HS3ST3A1: variants seen among roughly 807,000 people sequenced by gnomAD.
HS3ST3A1 encodes heparan sulfate glucosamine 3-O-sulfotransferase 3A1.
In HS3ST3A1, 19 loss-of-function variants were observed where a neutral mutation model predicts 25.7. That is an observed-to-expected ratio of 0.74 (90% CI 0.52 to 1.08). The LOEUF (loss-of-function observed/expected upper bound fraction) is 1.08. Ranked by LOEUF, HS3ST3A1 falls within the 50% of genes least tolerant of loss-of-function variation. The probability of loss-of-function intolerance (pLI) is 0.00; values close to 1 mark genes in which losing one functional copy is unlikely to be tolerated. For synonymous variants in HS3ST3A1, 226 were observed against 278.6 expected (o/e 0.81, Z 1.88); for missense variants, 459 against 594.3 (o/e 0.77, Z 2.37).
At chr17:13,566,546 A>T (rs1905936078) in intron 1 of HS3ST3A1, among the ~76,000 whole-genome samples, 1 of 152,260 alleles carries the variant, frequency 6.6e-6, no homozygotes, top group South Asian at 2.1e-4. Flanking sequence ...AGGCATGTTG[A>T]AAGCTGAGAC....
At chr17:13,505,155 C>T (rs1018788680) in intron 1 of HS3ST3A1, among the ~76,000 whole-genome samples, 2 of 152,044 alleles carry the variant, frequency 1.3e-5, no homozygotes, top group Non-Finnish European at 2.9e-5. Context: ...ATGCCTAGTG[C>T]GAGAGTATTT....
intron 1 of HS3ST3A1, among the ~76,000 whole-genome samples, chr17:13,566,085 T>C (rs1444505131): frequency 2.0e-5 from 3 of 152,240 alleles, no homozygotes; most frequent in African/African-American, 7.2e-5. Context: ...GCATTGCAGA[T>C]ATTGCATTTT....
intron 1 of HS3ST3A1, among the ~76,000 whole-genome samples, chr17:13,537,613 T>C (rs7207411): frequency 0.28 from 42,706 of 152,208 alleles, 6,218 homozygotes; most frequent in Non-Finnish European, 0.32. Flanking sequence ...GCGCCTATAA[T>C]TCAGTTTTAA....
intron 1 of HS3ST3A1, among the ~76,000 whole-genome samples, chr17:13,540,498 AT>A (rs1002288134): frequency 6.6e-6 from 1 of 152,216 alleles, no homozygotes; most frequent in African/African-American, 2.4e-5. Flanking sequence ...TGCATGCTCA[AT>A]TGATAAAATG....
At chr17:13,548,097 A>G (rs1398663078) in intron 1 of HS3ST3A1, among the ~76,000 whole-genome samples, 1 of 152,170 alleles carries the variant, frequency 6.6e-6, no homozygotes, top group Non-Finnish European at 1.5e-5. Flanking sequence ...TTGTCTGATG[A>G]CTTTGTATCT....
intron 1 of HS3ST3A1, among the ~76,000 whole-genome samples, chr17:13,585,642 G>T (rs1263358087): frequency 6.6e-6 from 1 of 151,830 alleles, no homozygotes; most frequent in African/African-American, 2.4e-5. Flanking sequence ...AGCACCAGTA[G>T]GACTCGGAAG....
Position 13,600,749 on chromosome 17 carries a change from G to T in HS3ST3A1, c.381C>A (p.Ser127=). The change falls in exon 1 of 2, where the codon TCC becomes TCA. Residue 127 remains serine, a synonymous_variant. Transcript: ENST00000284110. ...SPGLSGGPGG[S]GAGSTVAEAP... Reference sequence around the variant, plus strand: ...CCTCGGCCACGGTGCTTCCGGCCCCGGAGCCGCCCGGACCCCCTGACAGGC... The same window carrying T: ...CCTCGGCCACGGTGCTTCCGGCCCCTGAGCCGCCCGGACCCCCTGACAGGC... The T allele has an allele frequency of 6.6e-7, 1 of 1,520,268 alleles. No individual in the cohort carries two copies. Among genetic ancestry groups the T allele is most frequent in the East Asian group, 2.5e-5 (1 of 39,402 alleles). 94.2% of individuals were successfully genotyped at this position (1,520,268 alleles called of 1,614,324 possible).
intron 1 of HS3ST3A1, among the ~76,000 whole-genome samples, chr17:13,499,761 T>A (rs117793028): frequency 0.016 from 2,395 of 152,124 alleles, 29 homozygotes; most frequent in Non-Finnish European, 0.021. Flanking sequence ...CTATCCAACA[T>A]AAGAGGAGTT....
At chr17:13,567,258 A>G (rs145780269) in intron 1 of HS3ST3A1, among the ~76,000 whole-genome samples, 1,631 of 152,322 alleles carry the variant, frequency 0.011, 29 homozygotes, top group African/African-American at 0.037. Flanking sequence ...TGAATATTTT[A>G]AGCCCACTGT....
chr17:13,552,578 C>T (rs1235234925), intron 1 of HS3ST3A1, among the ~76,000 whole-genome samples: 1 of 152,166 alleles, frequency 6.6e-6, no homozygotes, highest in African/African-American at 2.4e-5. Flanking sequence ...GGCTCTGTCA[C>T]CTCATTTCTA....
chr17:13,534,669 C>T (rs1015751203), intron 1 of HS3ST3A1, among the ~76,000 whole-genome samples: 1 of 151,010 alleles, frequency 6.6e-6, no homozygotes, highest in African/African-American at 2.4e-5. Context: ...ATCAAGGCTG[C>T]AGTGAGCCAT....
In HS3ST3A1 at chr17:13,584,489, G is replaced by A. The variant is rs1034555746; in HGVS notation, c.599+16042C>T. 4.4e-4 allele frequency among the ~76,000 whole-genome samples: 35 copies of A among 78,874 alleles called. No individual in the cohort carries two copies. The Admixed American group carries it at 6.4e-3, about 14-fold the overall frequency. The allele number at this position is 78,874 out of a possible 152,430, so 51.7% of individuals were successfully genotyped here. ...AGGAAGGAAGGGAGAGACGGAGGGA[G>A]GGAGGGAGGCAAAGAAGGAAGGAAG... On this transcript the variant is annotated intron_variant, in intron 1 of 1. Transcript: ENST00000284110.
intron 1 of HS3ST3A1, among the ~76,000 whole-genome samples, chr17:13,583,921 G>A (rs1352528268): frequency 1.3e-5 from 2 of 152,098 alleles, no homozygotes; most frequent in African/African-American, 4.8e-5. Context: ...ACATTGGTTT[G>A]GTTTTCTCAC....
At chr17:13,526,003 C>G (rs1906403103) in intron 1 of HS3ST3A1, among the ~76,000 whole-genome samples, 1 of 152,082 alleles carries the variant, frequency 6.6e-6, no homozygotes, top group African/African-American at 2.4e-5. Context: ...CCCAGCTGTA[C>G]TTGACATGAT....
intron 1 of HS3ST3A1, among the ~76,000 whole-genome samples, chr17:13,540,040 A>G (rs947926268): frequency 6.6e-6 from 1 of 152,242 alleles, no homozygotes; most frequent in African/African-American, 2.4e-5. Context: ...TTGCAGATCA[A>G]GACTGATAGA....
At chr17:13,501,155 C>T (rs965943297) in intron 1 of HS3ST3A1, among the ~76,000 whole-genome samples, 2 of 152,096 alleles carry the variant, frequency 1.3e-5, no homozygotes, top group African/African-American at 2.4e-5. Context: ...GTTTGAGTTT[C>T]GTAAGATTAA....
chr17:13,517,682 C>T (rs1906099666), intron 1 of HS3ST3A1, among the ~76,000 whole-genome samples: 2 of 152,086 alleles, frequency 1.3e-5, no homozygotes. Context: ...GAGGGAGTCT[C>T]ACTCTGTCGC....
chr17:13,557,743 T>C (rs1907420452), intron 1 of HS3ST3A1, among the ~76,000 whole-genome samples: 1 of 152,086 alleles, frequency 6.6e-6, no homozygotes, highest in African/African-American at 2.4e-5. Context: ...GAAAAGCTAC[T>C]CAGATATGGG....
intron 1 of HS3ST3A1, among the ~76,000 whole-genome samples, chr17:13,550,900 C>T (rs1907221397): frequency 6.6e-6 from 1 of 151,972 alleles, no homozygotes; most frequent in Admixed American, 6.6e-5. Flanking sequence ...AACCCCGTCT[C>T]TACGAAAAAT....
Sources: allele counts gnomAD v4.1 joint callset (sites outside exome capture counted in the v4.1 genomes callset), GRCh38; gene constraint gnomAD v4.1.1; transcripts MANE v1.5; gene names NCBI Gene and HGNC (gene_info 2026-07-23, HGNC 2026-07-21).